The following FASTKD3 variants were observed in gnomAD, a reference collection of about 807,000 sequenced individuals.
The protein encoded by FASTKD3 is FAST kinase domains 3.
In FASTKD3, 47 loss-of-function variants were observed where a neutral mutation model predicts 49.7. The observed-to-expected ratio is 0.95, with a 90% CI of 0.75 to 1.21. The LOEUF (loss-of-function observed/expected upper bound fraction) is 1.21. Among genes scored for constraint, FASTKD3 ranks in the 50% most tolerant of loss-of-function variants. The pLI, the probability that FASTKD3 is intolerant of heterozygous loss-of-function variation, is 0.00. For missense variants in FASTKD3, 748 were observed against 765.7 expected (o/e 0.98, Z 0.27); for synonymous variants, 284 against 288.6 (o/e 0.98, Z 0.16).
chr5:7,865,216 C>T (rs532878456), intron 3 of FASTKD3, among the ~76,000 whole-genome samples: 2 of 151,986 alleles, frequency 1.3e-5, no homozygotes, highest in African/African-American at 2.4e-5. Context: ...GGTAAGAGAT[C>T]GGGGTTAACT....
rs1429979699 is a variant in FASTKD3, at chr5:7,867,303, TATAAAGGGCCACA to T, written c.768_780del (p.Val257GlufsTer17). ...TTTTCAGTACATGCCTGCAAGATTC[TATAAAGGGCCACA>T]ATATCCTCCGGGGTAAATGTTTCCA... On this transcript the variant is annotated frameshift_variant, in exon 2 of 7. Transcript: ENST00000264669. LOFTEE classifies it high-confidence loss of function. The T allele has an allele frequency of 6.2e-7, 1 of 1,613,686 alleles. No homozygotes were observed. Among genetic ancestry groups the T allele is most frequent in the African/African-American group, 1.3e-5 (1 of 74,942 alleles).
In FASTKD3 at chr5:7,859,553, A is replaced by G; in HGVS notation, c.1885-14T>C. On this transcript the variant is annotated splice_polypyrimidine_tract_variant and intron_variant, in intron 6 of 6. Transcript: ENST00000264669. ...ATGATAGGGGATCTGTAAAGGTAGAAAAGTAAAACTGGTCAAGATCCTTCA... is the reference window on the plus strand; with the variant it reads ...ATGATAGGGGATCTGTAAAGGTAGAGAAGTAAAACTGGTCAAGATCCTTCA... 6.6e-7 allele frequency: 1 copy of G among 1,518,516 alleles called. No homozygotes were observed. The highest frequency in any genetic ancestry group is 1.7e-4 in the Middle Eastern group (1 of 5,844). 94.1% of individuals were successfully genotyped at this position (1,518,516 alleles called of 1,614,324 possible).
rs745424287 is a variant in FASTKD3 at position 7,866,705 on chromosome 5, C to T, written c.1379G>A (p.Cys460Tyr). 9 of 1,610,300 alleles carry T rather than the reference C, an allele frequency of 5.6e-6. No individual in the cohort carries two copies. Among genetic ancestry groups the T allele is most frequent in the Non-Finnish European group, 6.8e-6 (8 of 1,178,724 alleles). ...TTTTGCCAGAAAGTTGACTGGATGG[C>T]ATTCATTAAGTGAACATGAATGAAG... ...KLLHSCSLNE[C>Y]HPVNFLAKIF... The change falls in exon 2 of 7, where the codon TGC (cysteine) becomes TAC (tyrosine). Residue 460 changes from cysteine (C) to tyrosine (Y), a missense_variant. By Grantham distance (194) the Cys-to-Tyr change is radical. Coordinates refer to ENST00000264669, the MANE Select transcript of FASTKD3 (RefSeq NM_024091.4).
At position 7,867,883 on chromosome 5, in the gene FASTKD3, CGAAT is replaced by C; in HGVS notation, c.197_200del (p.His66ArgfsTer40). 1 of 1,613,998 alleles carries C rather than the reference CGAAT, an allele frequency of 6.2e-7. No homozygotes were observed. The highest frequency in any genetic ancestry group is 8.5e-7 in the Non-Finnish European group (1 of 1,179,984). ...GTGGATGAAGGTCATTTCCATTTTTCGAATGAAACTTTTTACAATGGGCATGATG... is the reference window on the plus strand; with the variant it reads ...GTGGATGAAGGTCATTTCCATTTTTCGAAACTTTTTACAATGGGCATGATG... On this transcript the variant is annotated frameshift_variant, in exon 2 of 7. Coordinates refer to ENST00000264669, the MANE Select transcript of FASTKD3 (RefSeq NM_024091.4). LOFTEE classifies it high-confidence loss of function.
intron 4 of FASTKD3, among the ~76,000 whole-genome samples, chr5:7,862,599 AATATTCTGCCCAGG>A (rs1410394424): frequency 6.6e-6 from 1 of 152,034 alleles, no homozygotes; most frequent in African/African-American, 2.4e-5. Flanking sequence ...AAAAAGGTTA[AATATTCTGCCCAGG>A]ATATTCTGCT....
chr5:7,859,408 C>T lies in FASTKD3; in HGVS notation c.*27G>A, dbSNP rs375437966. 44 of 1,409,550 alleles carry T rather than the reference C, an allele frequency of 3.1e-5. No homozygotes were observed. The highest frequency in any genetic ancestry group is 5.9e-5 in the Admixed American group (3 of 50,532). The allele number at this position is 1,409,550 out of a possible 1,614,324, so 87.3% of individuals were successfully genotyped here. ...GAGTTCCATAAAAATGCAAGTTCTTCCATTGTTTGAGTTCTGAAGTCAGTA... is the reference window on the plus strand; with the variant it reads ...GAGTTCCATAAAAATGCAAGTTCTTTCATTGTTTGAGTTCTGAAGTCAGTA... On this transcript the variant is annotated 3_prime_UTR_variant, in exon 7 of 7. Transcript: ENST00000264669.
chr5:7,868,063 C>T lies in FASTKD3; in HGVS notation c.21G>A (p.Arg7=). Residue 7 remains arginine (R), a synonymous_variant, in exon 2 of 7, where the codon AGG becomes AGA. Transcript: ENST00000264669. ...AATCAGATAAACGATAAAGGTTCTT[C>T]CTCAAGGTGATTAATGCCATACCAT... MALITL[R]KNLYRLSDFQ... 2 of 1,606,868 alleles carry T rather than the reference C, an allele frequency of 1.2e-6. No individual in the cohort carries two copies. Among genetic ancestry groups the T allele is most frequent in the Non-Finnish European group, 1.7e-6 (2 of 1,177,728 alleles).
chr5:7,866,581 A>G, intron 2 of FASTKD3, 65 bp downstream of exon 2: 1 of 1,226,772 alleles, frequency 8.2e-7, no homozygotes, highest in Non-Finnish European at 1.1e-6. Context: ...TTTATATGTG[A>G]CTTGAAACCA....
chr5:7,867,456 TTC>T lies in FASTKD3; in HGVS notation c.626_627del (p.Arg209LysfsTer37), dbSNP rs1387991469. On this transcript the variant is annotated frameshift_variant, in exon 2 of 7. Transcript: ENST00000264669. LOFTEE classifies it high-confidence loss of function. The stretch of plus-strand genomic sequence containing the variant: ...AGATTGCGAACTTCCATGCCACCTT[TTC>T]TGAGACGATTTTGGCATTCTGCCAC... ...NLVAECQNRL[R>X]KGGMEVRNLC... is the part of the protein sequence containing the mutation. 2 of 1,614,216 alleles carry T rather than the reference TTC, an allele frequency of 1.2e-6. No individual in the cohort carries two copies. The highest frequency in any genetic ancestry group is 1.7e-6 in the Non-Finnish European group (2 of 1,180,050).
Position 7,867,018 on chromosome 5 carries a change from C to T in FASTKD3, c.1066G>A (p.Glu356Lys). The change falls in exon 2 of 7, where the codon GAG (glutamate) becomes AAG (lysine). Residue 356 changes from glutamate (E) to lysine (K), a missense_variant. Glu to Lys is a moderately conservative substitution (Grantham distance 56). Transcript: ENST00000264669. ...AGGCACACCGCAGCTACACGATGCTCTAGGGCTTTTGTAAAAAATGTGTCA... is the reference window on the plus strand; with the variant it reads ...AGGCACACCGCAGCTACACGATGCTTTAGGGCTTTTGTAAAAAATGTGTCA... ...HHDTFFTKALEHRVAAVCLTL... is the reference protein window; with the variant it reads ...HHDTFFTKALKHRVAAVCLTL... The T allele has an allele frequency of 6.2e-7, 1 of 1,614,200 alleles. No homozygotes were observed. The highest frequency in any genetic ancestry group is 8.5e-7 in the Non-Finnish European group (1 of 1,180,034).
intron 6 of FASTKD3, 97 bp downstream of exon 6, chr5:7,861,052 T>G: frequency 1.4e-6 from 1 of 712,312 alleles, no homozygotes; most frequent in Non-Finnish European, 2.4e-6. Flanking sequence ...CTTTAAAATT[T>G]TACTGTGCCT....
At position 7,866,740 on chromosome 5, in the gene FASTKD3, TA is replaced by T. The variant is rs748049451; in HGVS notation, c.1343del (p.Leu448TyrfsTer2). The T allele has an allele frequency of 6.2e-7, 1 of 1,614,052 alleles. No homozygotes were observed. The highest frequency in any genetic ancestry group is 1.1e-5 in the South Asian group (1 of 90,976). On this transcript the variant is annotated frameshift_variant, in exon 2 of 7. Transcript: ENST00000264669. LOFTEE classifies it high-confidence loss of function. ...GTGAACATGAATGAAGAAGTTTCAA[TA>T]ATGATTTGGGTGGAAAATAATTGAA... ...THFNYFPPKSLLKLLHSCSLN... is the reference protein window; with the variant it reads ...THFNYFPPKSXLKLLHSCSLN...
At chr5:7,863,996 T>C (rs1043048914) in intron 3 of FASTKD3, among the ~76,000 whole-genome samples, 1 of 152,130 alleles carries the variant, frequency 6.6e-6, no homozygotes, top group Non-Finnish European at 1.5e-5. Flanking sequence ...ACTACAGGCG[T>C]GTGCCATCAT....
chr5:7,860,092 G>C (rs573401739), intron 6 of FASTKD3, among the ~76,000 whole-genome samples: 5 of 152,334 alleles, frequency 3.3e-5, no homozygotes, highest in African/African-American at 1.2e-4. Flanking sequence ...CCAACCATTG[G>C]AGGGTCTTGA....
chr5:7,863,913 C>T (rs1746739653), intron 3 of FASTKD3, among the ~76,000 whole-genome samples: 1 of 152,032 alleles, frequency 6.6e-6, no homozygotes, highest in Admixed American at 6.5e-5. Context: ...TACAATGACG[C>T]GACCTCGGCT....
chr5:7,861,367 T>C, intron 5 of FASTKD3, 104 bp from the exon 6 acceptor site: 1 of 622,098 alleles, frequency 1.6e-6, no homozygotes, highest in Non-Finnish European at 2.6e-6. Flanking sequence ...GCTATTACTA[T>C]GTGCCAATAT....
Position 7,859,429 on chromosome 5 carries a change from C to A in FASTKD3, c.*6G>T. 6.5e-7 allele frequency: 1 copy of A among 1,550,082 alleles called. No homozygotes were observed. The highest frequency in any genetic ancestry group is 1.8e-5 in the Admixed American group (1 of 56,040). On this transcript the variant is annotated 3_prime_UTR_variant, in exon 7 of 7. Coordinates refer to ENST00000264669, the MANE Select transcript of FASTKD3 (RefSeq NM_024091.4). ...TCTTCCATTGTTTGAGTTCTGAAGTCAGTATTCATTCTTGCAACCAATGAA... is the reference window on the plus strand; with the variant it reads ...TCTTCCATTGTTTGAGTTCTGAAGTAAGTATTCATTCTTGCAACCAATGAA...
chr5:7,868,487 C>T (rs1267076320), intron 1 of FASTKD3, among the ~76,000 whole-genome samples: 1 of 152,108 alleles, frequency 6.6e-6, no homozygotes, highest in African/African-American at 2.4e-5. Flanking sequence ...AAGGGTGGCC[C>T]TTAAATGTTG....
rs745657860 is a variant in FASTKD3, at chr5:7,867,229, T to C, written c.855A>G (p.Leu285=). ...TFLNKINNFS[L]SIVSNLSPKL... is the part of the protein sequence containing the mutation. ...TAGGACTCAGGTTGGAAACTATTGA[T>C]AGGGAAAAGTTGTTTATCTTATTTA... The change falls in exon 2 of 7, where the codon CTA becomes CTG. Residue 285 remains leucine, a synonymous_variant. Coordinates refer to ENST00000264669, the MANE Select transcript of FASTKD3 (RefSeq NM_024091.4). 6.8e-6 allele frequency: 11 copies of C among 1,613,952 alleles called. No homozygotes were observed. The highest frequency in any genetic ancestry group is 2.7e-5 in the African/African-American group (2 of 74,920).
Sources: allele counts gnomAD v4.1 joint callset (sites outside exome capture counted in the v4.1 genomes callset), GRCh38; gene constraint gnomAD v4.1.1; transcripts MANE v1.5; gene names NCBI Gene and HGNC (gene_info 2026-07-23, HGNC 2026-07-21).